NOVA1: variants seen among roughly 807,000 people sequenced by gnomAD.
NOVA1 encodes NOVA alternative splicing regulator 1, also known as RNA-binding protein Nova-1.
NOVA1 carries 7 observed loss-of-function variants against 38.0 expected under a neutral mutation model. That is an observed-to-expected ratio of 0.18 (90% confidence interval 0.10 to 0.35). The LOEUF is 0.35. NOVA1 is among the 10% of genes least tolerant of loss of function. The pLI, the probability that NOVA1 is intolerant of heterozygous loss-of-function variation, is 1.00. For synonymous variants in NOVA1, 270 were observed against 232.5 expected (o/e 1.16, Z -1.47); for missense variants, 460 against 616.0 (o/e 0.75, Z 2.68).
At chr14:26,546,946 G>C (rs753628415) in intron 2 of NOVA1, among the ~76,000 whole-genome samples, 2 of 152,138 alleles carry the variant, frequency 1.3e-5, no homozygotes, top group Non-Finnish European at 1.5e-5. Flanking sequence ...TTGAACCCGC[G>C]AGGCAGAGGC....
rs532333585 is a variant in NOVA1 at position 26,570,070 on chromosome 14, G to C, written c.280+25340C>G. 6.6e-5 allele frequency among the ~76,000 whole-genome samples: 10 copies of C among 152,274 alleles called. No individual in the cohort carries two copies. The South Asian group carries it at 1.9e-3, about 28-fold the overall frequency. Reference sequence around the variant, plus strand: ...CAAATAAAAGTATAAACTAAGGCCGGATGCAGTGTCTCATGCCTGTAATCC... The same window carrying C: ...CAAATAAAAGTATAAACTAAGGCCGCATGCAGTGTCTCATGCCTGTAATCC... On this transcript the variant is annotated intron_variant, in intron 2 of 4. Coordinates refer to ENST00000539517, the MANE Select transcript of NOVA1 (RefSeq NM_002515.3).
At chr14:26,496,480 A>G (rs1301618210) in intron 2 of NOVA1, among the ~76,000 whole-genome samples, 4 of 152,006 alleles carry the variant, frequency 2.6e-5, no homozygotes, top group African/African-American at 9.7e-5. Context: ...TTTGCTGTGC[A>G]GAAGCTCTTT....
In NOVA1 at chr14:26,507,968, A is replaced by G. The variant is rs78901848; in HGVS notation, c.281-27825T>C. Among the ~76,000 whole-genome samples, 450 of 152,230 alleles carry G rather than the reference A, an allele frequency of 3.0e-3. 2 individuals carry two copies. The highest frequency in any genetic ancestry group is 0.011 in the African/African-American group (439 of 41,584). On this transcript the variant is annotated intron_variant, in intron 2 of 4. Transcript: ENST00000539517. ...TGTCCTAAACAAGACCATAAGAGTT[A>G]TATCAATAGAAGAGGAAAAAAAGCA...
In NOVA1 at chr14:26,445,824, T is replaced by C. The variant is rs1882023052; in HGVS notation, c.*2135A>G. ...TTACATAGATATTATTTACTGTTAA[T>C]GTATTATAAATGATCTGAGACTTGT... On this transcript the variant is annotated 3_prime_UTR_variant, in exon 5 of 5. Coordinates refer to ENST00000539517, the MANE Select transcript of NOVA1 (RefSeq NM_002515.3). 1 of 152,592 alleles carries C rather than the reference T, an allele frequency of 6.6e-6. No individual in the cohort carries two copies. The highest frequency in any genetic ancestry group is 1.5e-5 in the Non-Finnish European group (1 of 68,040). 9.5% of individuals were successfully genotyped at this position (152,592 alleles called of 1,614,324 possible). A position where few individuals can be genotyped will look rare whatever the true frequency, so the allele number is the denominator to read the frequency against.
rs543726636 is a variant in NOVA1 at position 26,513,319 on chromosome 14, A to C, written c.281-33176T>G. ...TAAATTTCTTAGAAAAATTATGCAA[A>C]ATTAGTAATTTTCTAGAAATAAGAG... On this transcript the variant is annotated intron_variant, in intron 2 of 4. Coordinates refer to ENST00000539517, the MANE Select transcript of NOVA1 (RefSeq NM_002515.3). Among the ~76,000 whole-genome samples the C allele has an allele frequency of 5.7e-4, 86 of 152,082 alleles. 1 individual carries two copies. In the South Asian group the frequency reaches 0.017, roughly 30 times the overall value.
chr14:26,499,242 C>A (rs547346445), intron 2 of NOVA1, among the ~76,000 whole-genome samples: 1 of 152,020 alleles, frequency 6.6e-6, no homozygotes, highest in African/African-American at 2.4e-5. Flanking sequence ...TTATAGTAAC[C>A]ATTTCACTGT....
rs1330636909 is a variant in NOVA1 at position 26,446,881 on chromosome 14, A to G, written c.*1078T>C. On this transcript the variant is annotated 3_prime_UTR_variant, in exon 5 of 5. Coordinates refer to ENST00000539517, the MANE Select transcript of NOVA1 (RefSeq NM_002515.3). ...CCACAAAACATGCAAATTACCGAGTATTAGAAACTGCATTGGCTGCTAGCG... is the reference window on the plus strand; with the variant it reads ...CCACAAAACATGCAAATTACCGAGTGTTAGAAACTGCATTGGCTGCTAGCG... 1 of 152,676 alleles carries G rather than the reference A, an allele frequency of 6.5e-6. No individual in the cohort carries two copies. Among genetic ancestry groups the G allele is most frequent in the Admixed American group, 6.5e-5 (1 of 15,288 alleles). 9.5% of individuals were successfully genotyped at this position (152,676 alleles called of 1,614,324 possible).
chr14:26,549,068 G>A (rs1225013377), intron 2 of NOVA1, among the ~76,000 whole-genome samples: 5 of 152,098 alleles, frequency 3.3e-5, no homozygotes, highest in South Asian at 4.1e-4. Flanking sequence ...GAGGCAGGAA[G>A]ATCGCTTAAG....
chr14:26,479,377 AC>A (rs1885247786), intron 3 of NOVA1: 2 of 152,056 alleles, frequency 1.3e-5, no homozygotes, highest in Admixed American at 6.6e-5. Flanking sequence ...AAAATTTTTT[AC>A]AAAAAATCTC....
chr14:26,476,084 G>A (rs1884961736), intron 3 of NOVA1, among the ~76,000 whole-genome samples: 1 of 152,122 alleles, frequency 6.6e-6, no homozygotes. Context: ...TCTGTGTACT[G>A]TAACATTTGT....
intron 4 of NOVA1, among the ~76,000 whole-genome samples, chr14:26,471,026 G>A (rs556007707): frequency 6.6e-6 from 1 of 152,128 alleles, no homozygotes; most frequent in East Asian, 1.9e-4. Context: ...TACAAGCTTG[G>A]TTGTCACTTT....
At chr14:26,585,248 T>C (rs1566560264) in intron 2 of NOVA1, among the ~76,000 whole-genome samples, 1 of 151,344 alleles carries the variant, frequency 6.6e-6, no homozygotes, top group South Asian at 2.1e-4. Flanking sequence ...CCAAACTCAA[T>C]ATCTTCCCTA....
intron 2 of NOVA1, among the ~76,000 whole-genome samples, chr14:26,493,800 C>T (rs1299334024): frequency 1.3e-5 from 2 of 152,074 alleles, no homozygotes; most frequent in Non-Finnish European, 2.9e-5. Context: ...TTAATCTGCC[C>T]CCTGTGAACA....
At chr14:26,520,922 T>C (rs986316447) in intron 2 of NOVA1, among the ~76,000 whole-genome samples, 1 of 152,088 alleles carries the variant, frequency 6.6e-6, no homozygotes, top group Non-Finnish European at 1.5e-5. Context: ...TATAACGCCA[T>C]AATGTACAAC....
At chr14:26,499,460 T>C (rs1404225470) in intron 2 of NOVA1, among the ~76,000 whole-genome samples, 2 of 152,134 alleles carry the variant, frequency 1.3e-5, no homozygotes, top group Non-Finnish European at 2.9e-5. Context: ...CAGGGAGGTA[T>C]CCATATTGAA....
chr14:26,549,603 T>A (rs1183559386), intron 2 of NOVA1: 9 of 546,686 alleles, frequency 1.6e-5, no homozygotes, highest in Non-Finnish European at 2.7e-5. Context: ...AATACACTTT[T>A]AGATGATGTT....
intron 2 of NOVA1, among the ~76,000 whole-genome samples, chr14:26,556,196 A>G (rs899918720): frequency 6.6e-5 from 10 of 152,154 alleles, no homozygotes; most frequent in Non-Finnish European, 7.4e-5. Context: ...CCAGAATATT[A>G]AAGGAAAAGA....
intron 2 of NOVA1, among the ~76,000 whole-genome samples, chr14:26,540,388 C>T (rs1566519025): frequency 1.3e-5 from 2 of 152,204 alleles, no homozygotes; most frequent in Admixed American, 6.5e-5. Flanking sequence ...AACCATCCCC[C>T]TCAGGGAAAA....
chr14:26,551,969 C>T (rs565421883), intron 2 of NOVA1, among the ~76,000 whole-genome samples: 2 of 152,042 alleles, frequency 1.3e-5, no homozygotes, highest in East Asian at 3.9e-4. Context: ...GACTTAAATA[C>T]TCATTTATAA....
Sources: allele counts gnomAD v4.1 joint callset (sites outside exome capture counted in the v4.1 genomes callset), GRCh38; gene constraint gnomAD v4.1.1; transcripts MANE v1.5; gene names NCBI Gene and HGNC (gene_info 2026-07-23, HGNC 2026-07-21).